Variants in SUPT3H observed in about 807,000 individuals in gnomAD.
SUPT3H encodes transcription initiation protein SPT3 homolog.
Under a neutral mutation model 44.3 loss-of-function variants are expected in SUPT3H, and 44 were observed. That is an observed-to-expected ratio of 0.99 (90% CI 0.78 to 1.28). SUPT3H has a LOEUF of 1.28. SUPT3H is among the 50% of genes most tolerant of loss of function. The probability of loss-of-function intolerance (pLI) is 0.00; values close to 1 mark genes in which losing one functional copy is unlikely to be tolerated. For missense variants in SUPT3H, 380 were observed against 387.1 expected (o/e 0.98, Z 0.15); for synonymous variants, 124 against 125.6 (o/e 0.99, Z 0.09).
At chr6:45,171,350 T>C (rs996276809) in intron 2 of SUPT3H, among the ~76,000 whole-genome samples, 2 of 152,194 alleles carry the variant, frequency 1.3e-5, no homozygotes, top group Non-Finnish European at 2.9e-5. Flanking sequence ...AATTTGTACA[T>C]TCAGTTTTGT....
chr6:44,907,451 C>T (rs1024557693), intron 10 of SUPT3H, among the ~76,000 whole-genome samples: 12 of 152,176 alleles, frequency 7.9e-5, no homozygotes, highest in African/African-American at 1.2e-4. Flanking sequence ...CTGAGACGGG[C>T]GGATCACCTG....
intron 2 of SUPT3H, among the ~76,000 whole-genome samples, chr6:45,179,239 G>A (rs1435846243): frequency 6.6e-6 from 1 of 152,150 alleles, no homozygotes. Flanking sequence ...ATAATCAATA[G>A]CTTACCAACC....
At chr6:45,273,025 A>G (rs906897723) in intron 2 of SUPT3H, among the ~76,000 whole-genome samples, 1 of 152,164 alleles carries the variant, frequency 6.6e-6, no homozygotes, top group African/African-American at 2.4e-5. Context: ...ATGCTTTGAG[A>G]TCTTGAGCCC....
intron 3 of SUPT3H, among the ~76,000 whole-genome samples, chr6:45,089,474 T>G (rs1796876196): frequency 6.6e-6 from 1 of 152,002 alleles, no homozygotes; most frequent in Non-Finnish European, 1.5e-5. Context: ...AAACCCTTCT[T>G]CTTCTGCGTC....
At chr6:45,079,017 T>C (rs910555247) in intron 3 of SUPT3H, among the ~76,000 whole-genome samples, 1 of 152,098 alleles carries the variant, frequency 6.6e-6, no homozygotes, top group Non-Finnish European at 1.5e-5. Flanking sequence ...GCTATTATTT[T>C]GTTACATATA....
intron 10 of SUPT3H, among the ~76,000 whole-genome samples, chr6:44,877,039 A>G (rs1777420344): frequency 6.6e-6 from 1 of 152,192 alleles, no homozygotes; most frequent in African/African-American, 2.4e-5. Flanking sequence ...TGTCTAGTGT[A>G]TTTCTATAAA....
chr6:44,882,076 C>CA (rs1170005627), intron 10 of SUPT3H, among the ~76,000 whole-genome samples: 13 of 151,994 alleles, frequency 8.6e-5, no homozygotes, highest in East Asian at 5.8e-4. Context: ...AAAAACCCTT[C>CA]AAAAAAATCA....
At chr6:45,291,270 C>T (rs2149864659) in intron 2 of SUPT3H, among the ~76,000 whole-genome samples, 1 of 152,274 alleles carries the variant, frequency 6.6e-6, no homozygotes, top group Middle Eastern at 3.4e-3. Flanking sequence ...AAGGGAACAC[C>T]TCATGGGACA....
At chr6:45,199,538 G>A (rs542564719) in intron 2 of SUPT3H, among the ~76,000 whole-genome samples, 10 of 150,934 alleles carry the variant, frequency 6.6e-5, no homozygotes, top group Admixed American at 2.0e-4. Flanking sequence ...AAAATACTTC[G>A]TCATCCAAAA....
At chr6:45,352,295 C>T (rs1251582554) in intron 2 of SUPT3H, among the ~76,000 whole-genome samples, 1 of 152,110 alleles carries the variant, frequency 6.6e-6, no homozygotes. Flanking sequence ...GCAAACCCCT[C>T]TCAAAACTGA....
At chr6:45,192,231 T>TA (rs1815259356) in intron 2 of SUPT3H, among the ~76,000 whole-genome samples, 1 of 152,142 alleles carries the variant, frequency 6.6e-6, no homozygotes, top group Non-Finnish European at 1.5e-5. Context: ...GAAGTCAAGT[T>TA]TCCCATGCTG....
At chr6:45,069,075 T>A (rs147316263) in intron 3 of SUPT3H, among the ~76,000 whole-genome samples, 2,669 of 152,014 alleles carry the variant, frequency 0.018, 53 homozygotes, top group South Asian at 0.086. Flanking sequence ...TAGAGCACAA[T>A]AGAGAATCAA....
At chr6:45,121,686 T>A (rs1801694301) in intron 2 of SUPT3H, among the ~76,000 whole-genome samples, 1 of 152,196 alleles carries the variant, frequency 6.6e-6, no homozygotes, top group Non-Finnish European at 1.5e-5. Flanking sequence ...TTTTTGTTTT[T>A]GTTTTTGAGA....
At chr6:44,886,934 T>A (rs967382649) in intron 10 of SUPT3H, among the ~76,000 whole-genome samples, 8 of 151,972 alleles carry the variant, frequency 5.3e-5, no homozygotes, top group East Asian at 1.9e-4. Flanking sequence ...TCTACCAAGC[T>A]AATGGAAAAC....
chr6:45,367,016 C>A (rs1795245874), intron 1 of SUPT3H, among the ~76,000 whole-genome samples: 1 of 152,068 alleles, frequency 6.6e-6, no homozygotes. Context: ...GGTCACTTAC[C>A]AAGGGCTGAG....
intron 6 of SUPT3H, among the ~76,000 whole-genome samples, chr6:44,998,516 G>C (rs2153503093): frequency 6.6e-6 from 1 of 151,850 alleles, no homozygotes; most frequent in Non-Finnish European, 1.5e-5. Context: ...GATAAATTGT[G>C]GTCTTCTGTC....
chr6:45,217,793 G>C (rs1405174434), intron 2 of SUPT3H, among the ~76,000 whole-genome samples: 1 of 151,890 alleles, frequency 6.6e-6, no homozygotes, highest in Non-Finnish European at 1.5e-5. Context: ...GGGAGGCTGA[G>C]ACAGGAGAAC....
At chr6:45,174,905 T>C (rs1811439587) in intron 2 of SUPT3H, among the ~76,000 whole-genome samples, 1 of 150,386 alleles carries the variant, frequency 6.6e-6, no homozygotes, top group Non-Finnish European at 1.5e-5. Flanking sequence ...AAACCAGGCA[T>C]GGTAAATCAC....
intron 3 of SUPT3H, among the ~76,000 whole-genome samples, chr6:45,042,920 A>G (rs570908815): frequency 1.3e-5 from 2 of 152,202 alleles, no homozygotes; most frequent in Admixed American, 6.5e-5. Context: ...AACTGCTAGA[A>G]GCTAAGTTAT....
Sources: allele counts gnomAD v4.1 joint callset (sites outside exome capture counted in the v4.1 genomes callset), GRCh38; gene constraint gnomAD v4.1.1; transcripts MANE v1.5; gene names NCBI Gene and HGNC (gene_info 2026-07-23, HGNC 2026-07-21).